Variants in SETBP1 observed in about 807,000 individuals in gnomAD.
SETBP1 encodes the protein SET binding protein 1.
Under a neutral mutation model 101.0 loss-of-function variants are expected in SETBP1, and 9 were observed. The observed-to-expected ratio is 0.09, with a 90% CI of 0.05 to 0.16. SETBP1 has a LOEUF of 0.16. Among genes scored for constraint, SETBP1 ranks in the 10% least tolerant of loss-of-function variants. The pLI is 1.00. For synonymous variants in SETBP1, 818 were observed against 788.5 expected, an observed-to-expected ratio of 1.04 and a Z score of -0.63; for missense variants, 1,858 against 2,033.8, an observed-to-expected ratio of 0.91 and a Z score of 1.66.
chr18:44,935,063 C>T (rs965147757), intron 3 of SETBP1, among the ~76,000 whole-genome samples: 6 of 150,864 alleles, frequency 4.0e-5, no homozygotes, highest in Admixed American at 6.7e-5. Flanking sequence ...CAGGGAGGAG[C>T]GGCAATGAAT....
intron 2 of SETBP1, among the ~76,000 whole-genome samples, chr18:44,851,772 C>G (rs1454109643): frequency 6.6e-6 from 1 of 152,170 alleles, no homozygotes; most frequent in African/African-American, 2.4e-5. Context: ...TTTCAGTCTG[C>G]CATCTGCCCC....
intron 2 of SETBP1, among the ~76,000 whole-genome samples, chr18:44,824,334 C>A (rs2072185691): frequency 6.6e-6 from 1 of 152,102 alleles, no homozygotes; most frequent in Non-Finnish European, 1.5e-5. Flanking sequence ...AGCACTCTAC[C>A]CTGATACCTG....
intron 2 of SETBP1, among the ~76,000 whole-genome samples, chr18:44,719,934 T>C (rs554427389): frequency 4.6e-5 from 7 of 152,158 alleles, no homozygotes; most frequent in African/African-American, 7.2e-5. Context: ...AGGACAAACA[T>C]GTGAGAAGAT....
intron 2 of SETBP1, among the ~76,000 whole-genome samples, chr18:44,785,594 T>A (rs917407432): frequency 6.6e-6 from 1 of 152,212 alleles, no homozygotes; most frequent in Non-Finnish European, 1.5e-5. Flanking sequence ...TTATTGATTT[T>A]CCAGTCCCTA....
At chr18:44,773,828 C>A (rs368289779) in intron 2 of SETBP1, among the ~76,000 whole-genome samples, 5 of 67,498 alleles carry the variant, frequency 7.4e-5, no homozygotes, top group African/African-American at 2.1e-4. Flanking sequence ...CTCTCTGTCT[C>A]TCTCTGTTTA....
chr18:44,886,391 C>T (rs901717105), intron 3 of SETBP1, among the ~76,000 whole-genome samples: 1 of 152,074 alleles, frequency 6.6e-6, no homozygotes, highest in Non-Finnish European at 1.5e-5. Flanking sequence ...GACAGTGAGC[C>T]GTCTTGATGA....
intron 3 of SETBP1, among the ~76,000 whole-genome samples, chr18:44,903,205 C>G (rs1360016516): frequency 6.6e-6 from 1 of 152,094 alleles, no homozygotes; most frequent in South Asian, 2.1e-4. Flanking sequence ...CCCACCTGTT[C>G]CTATTCTATT....
At chr18:44,917,734 G>T (rs2070470833) in intron 3 of SETBP1, among the ~76,000 whole-genome samples, 1 of 152,140 alleles carries the variant, frequency 6.6e-6, no homozygotes, top group African/African-American at 2.4e-5. Context: ...TCTGTTTCAT[G>T]CAGCAAAGGC....
At chr18:44,725,261 C>T (rs1026470728) in intron 2 of SETBP1, among the ~76,000 whole-genome samples, 1 of 152,148 alleles carries the variant, frequency 6.6e-6, no homozygotes, top group African/African-American at 2.4e-5. Context: ...TATCTGCTCA[C>T]AGTTTGGGGA....
At chr18:44,831,399 T>C (rs905212356) in intron 2 of SETBP1, among the ~76,000 whole-genome samples, 6 of 152,230 alleles carry the variant, frequency 3.9e-5, no homozygotes, top group Non-Finnish European at 5.9e-5. Flanking sequence ...TATTCCTAAC[T>C]CTTGAAAACA....
chr18:44,946,239 G>A (rs1568231168), intron 3 of SETBP1, among the ~76,000 whole-genome samples: 1 of 152,126 alleles, frequency 6.6e-6, no homozygotes, highest in African/African-American at 2.4e-5. Context: ...TTTGATTGCT[G>A]AGCAGTCCCA....
At chr18:44,968,529 G>A (rs2071771788) in intron 4 of SETBP1, among the ~76,000 whole-genome samples, 1 of 152,210 alleles carries the variant, frequency 6.6e-6, no homozygotes, top group Admixed American at 6.5e-5. Flanking sequence ...GGACTGCCAA[G>A]TAGTAGGCCT....
At chr18:44,993,549 C>T (rs1599422524) in intron 4 of SETBP1, among the ~76,000 whole-genome samples, 1 of 151,876 alleles carries the variant, frequency 6.6e-6, no homozygotes, top group East Asian at 1.9e-4. Flanking sequence ...TAATACGATA[C>T]CTAGAAATAC....
chr18:44,722,044 G>A (rs1415367250), intron 2 of SETBP1, among the ~76,000 whole-genome samples: 1 of 151,432 alleles, frequency 6.6e-6, no homozygotes, highest in Non-Finnish European at 1.5e-5. Context: ...GGACATGCAT[G>A]TGAAATCTTT....
chr18:44,859,335 A>G (rs1262024612), intron 2 of SETBP1, among the ~76,000 whole-genome samples: 1 of 152,132 alleles, frequency 6.6e-6, no homozygotes. Flanking sequence ...CTGCATGGTG[A>G]GTCACCTGAG....
At chr18:45,014,922 C>G (rs1189811580) in intron 4 of SETBP1, among the ~76,000 whole-genome samples, 1 of 152,196 alleles carries the variant, frequency 6.6e-6, no homozygotes, top group African/African-American at 2.4e-5. Flanking sequence ...GAAGTCTTGG[C>G]TATACCTATT....
In SETBP1 at chr18:45,022,632, C is replaced by T. The variant is rs1277202062; in HGVS notation, c.4001-15853C>T. Among the ~76,000 whole-genome samples, 3 of 152,104 alleles carry T rather than the reference C, an allele frequency of 2.0e-5. No individual in the cohort carries two copies. In the South Asian group the frequency reaches 6.2e-4, roughly 32 times the overall value. On this transcript the variant is annotated intron_variant, in intron 4 of 5. Transcript: ENST00000649279. ...ATCACGTGAGGTCAGGGGTTCGAGACCAGCCTGGCCAACATGGTGAAACCC... is the reference window on the plus strand; with the variant it reads ...ATCACGTGAGGTCAGGGGTTCGAGATCAGCCTGGCCAACATGGTGAAACCC...
chr18:45,020,258 T>TAAAAAAAAAAAA lies in SETBP1; in HGVS notation c.4001-18201_4001-18190dup, dbSNP rs57134217. On this transcript the variant is annotated intron_variant, in intron 4 of 5. Transcript: ENST00000649279. Reference sequence around the variant, plus strand: ...CTGGTGACAGAGCAAGACTCTGTCTTAAAAAAAAAAAAAAAAAAAAAAAAA... The same window carrying TAAAAAAAAAAAA: ...CTGGTGACAGAGCAAGACTCTGTCTTAAAAAAAAAAAAAAAAAAAAAAAAAAAAAAAAAAAAA... Among the ~76,000 whole-genome samples the TAAAAAAAAAAAA allele has an allele frequency of 4.9e-4, 26 of 53,082 alleles. 1 individual carries two copies. The highest frequency in any genetic ancestry group is 7.5e-4 in the South Asian group (1 of 1,336). 34.8% of individuals were successfully genotyped at this position (53,082 alleles called of 152,430 possible).
At chr18:44,826,094 C>T (rs2072231955) in intron 2 of SETBP1, among the ~76,000 whole-genome samples, 1 of 152,154 alleles carries the variant, frequency 6.6e-6, no homozygotes, top group East Asian at 1.9e-4. Context: ...TTGAAAATGT[C>T]ATGTCGTCTC....
Sources: gnomAD v4.1 joint callset for allele counts (sites outside exome capture counted in the v4.1 genomes callset) on GRCh38, gnomAD v4.1.1 for gene constraint, MANE v1.5 for transcripts, NCBI Gene and HGNC (gene_info 2026-07-23, HGNC 2026-07-21) for gene names.